NBPF15: variants seen among roughly 807,000 people sequenced by gnomAD.
The protein encoded by NBPF15 is NBPF member 15.
In NBPF15, 74 loss-of-function variants were observed where a neutral mutation model predicts 62.2. That is an observed-to-expected ratio of 1.19 (90% CI 0.99 to 1.44). The LOEUF (loss-of-function observed/expected upper bound fraction) is 1.44. Ranked by LOEUF, NBPF15 falls within the 40% of genes most tolerant of loss-of-function variation. The pLI, the probability that NBPF15 is intolerant of heterozygous loss-of-function variation, is 0.00. For synonymous variants in NBPF15, 244 were observed against 209.7 expected (o/e 1.16, Z -1.41); for missense variants, 790 against 550.0 (o/e 1.44, Z -4.36).
rs1428213325 is a variant in NBPF15 at position 144,440,325 on chromosome 1, G to A, written c.-190-30C>T. 87 of 1,263,024 alleles carry A rather than the reference G, an allele frequency of 6.9e-5. 1 individual carries two copies. The South Asian group carries it at 7.5e-4, about 11-fold the overall frequency. 78.2% of individuals were successfully genotyped at this position (1,263,024 alleles called of 1,614,324 possible). ...AGTTGCAATAACAGAATTAGAAGGT[G>A]GGGGTGTCATGGAATCTTAGGAGCC... On this transcript the variant is annotated intron_variant, in intron 6 of 21. Coordinates refer to ENST00000581897, the MANE Select transcript of NBPF15 (RefSeq NM_001385408.1).
chr1:144,440,041 G>A lies in NBPF15; in HGVS notation c.-35-3C>T, dbSNP rs1259868055. 4.4e-6 allele frequency: 7 copies of A among 1,591,982 alleles called. No individual in the cohort carries two copies. The East Asian group carries it at 8.9e-5, about 20-fold the overall frequency. ...GGCAGAAGAGGTGGAGTCAGGGACT[G>A]GGGAGAAGAAACCCAAACATATGAT... On this transcript the variant is annotated splice_region_variant and splice_polypyrimidine_tract_variant and intron_variant, in intron 7 of 21. Coordinates refer to ENST00000581897, the MANE Select transcript of NBPF15 (RefSeq NM_001385408.1).
At position 144,435,266 on chromosome 1, in the gene NBPF15, T is replaced by A. The variant is rs1214005427; in HGVS notation, c.617A>T (p.Glu206Val). Residue 206 changes from glutamate to valine, a missense_variant, in exon 12 of 22, where the codon GAA (glutamate) becomes GTA (valine). Glu to Val is a moderately radical substitution (Grantham distance 121). Coordinates refer to ENST00000581897, the MANE Select transcript of NBPF15 (RefSeq NM_001385408.1). The stretch of plus-strand genomic sequence containing the variant: ...GCTATTTGAACAAGTGATGGCACAT[T>A]CCTCCAGTGAGTCCTCAGGGACTTC... Reference protein sequence around the residue: ...EKEVPEDSLEECAITCSNSHG... With the variant: ...EKEVPEDSLEVCAITCSNSHG... The A allele has an allele frequency of 2.5e-6, 4 of 1,612,388 alleles. No homozygotes were observed. The East Asian group carries it at 8.9e-5, about 36-fold the overall frequency.
chr1:144,444,598 CTTAG>C (rs1204487476), intron 6 of NBPF15, among the ~76,000 whole-genome samples: 11 of 151,966 alleles, frequency 7.2e-5, no homozygotes, highest in East Asian at 1.9e-4. Flanking sequence ...AGGACTCAGA[CTTAG>C]TTATAGATTA....
At position 144,423,176 on chromosome 1, in the gene NBPF15, A is replaced by G. The variant is rs781939985; in HGVS notation, c.1850T>C (p.Met617Thr). ...SLDRCYSTPSMYFEQPDSFQH... is the reference protein window; with the variant it reads ...SLDRCYSTPSTYFEQPDSFQH... ...GAATGAGTCAGGTTGTTCAAAGTAC[A>G]TTGACGGAGTCGAATAACATCTATC... Residue 617 changes from methionine (M) to threonine (T), a missense_variant, in exon 22 of 22, where the codon ATG (methionine) becomes ACG (threonine). Transcript: ENST00000581897. 2 of 1,611,644 alleles carry G rather than the reference A, an allele frequency of 1.2e-6. No individual in the cohort carries two copies. The highest frequency in any genetic ancestry group is 2.2e-5 in the South Asian group (2 of 90,974).
At chr1:144,452,217 A>G (rs1691631171) in intron 4 of NBPF15, among the ~76,000 whole-genome samples, 2 of 152,054 alleles carry the variant, frequency 1.3e-5, no homozygotes, top group Admixed American at 6.6e-5. Flanking sequence ...GTGAAAATGT[A>G]TCATCTCAAT....
At chr1:144,439,747 T>C (rs1681437921) in intron 8 of NBPF15, 82 bp downstream of exon 8, 2 of 1,001,974 alleles carry the variant, frequency 2.0e-6, no homozygotes, top group South Asian at 1.3e-5. Flanking sequence ...AAATTATTTT[T>C]GATGGAGAGA....
intron 19 of NBPF15, among the ~76,000 whole-genome samples, chr1:144,425,214 C>G (rs1553539065): frequency 8.7e-6 from 1 of 114,596 alleles, no homozygotes; most frequent in Non-Finnish European, 1.7e-5. Flanking sequence ...ACACAGCATA[C>G]AGTGATCATG....
intron 4 of NBPF15, among the ~76,000 whole-genome samples, chr1:144,456,213 G>A (rs1460906381): frequency 4.7e-5 from 7 of 148,722 alleles, no homozygotes; most frequent in South Asian, 2.2e-4. Flanking sequence ...AACAAGAGAC[G>A]GAAATGGGGG....
chr1:144,423,460 A>C (rs1667229348), intron 21 of NBPF15, among the ~76,000 whole-genome samples: 1 of 151,966 alleles, frequency 6.6e-6, no homozygotes, highest in South Asian at 2.1e-4. Context: ...AGACAGAGAG[A>C]GAGAGACAGA....
intron 13 of NBPF15, among the ~76,000 whole-genome samples, chr1:144,432,512 G>A (rs1481017133): frequency 1.3e-5 from 2 of 151,798 alleles, no homozygotes; most frequent in African/African-American, 4.8e-5. Context: ...ACACAGAATG[G>A]CAAATTGGAT....
At chr1:144,459,788 A>G (rs1651125721) in intron 2 of NBPF15, among the ~76,000 whole-genome samples, 1 of 151,814 alleles carries the variant, frequency 6.6e-6, no homozygotes, top group Admixed American at 6.6e-5. Flanking sequence ...CTGCACCCCT[A>G]CTAGAATGGC....
chr1:144,455,953 G>A (rs1553546849), intron 4 of NBPF15, among the ~76,000 whole-genome samples: 3 of 152,088 alleles, frequency 2.0e-5, no homozygotes, highest in Non-Finnish European at 2.9e-5. Context: ...TAAATTCTAA[G>A]TCCTACAGGA....
intron 4 of NBPF15, among the ~76,000 whole-genome samples, chr1:144,453,633 C>T (rs1451037804): frequency 5.6e-5 from 2 of 35,410 alleles, no homozygotes; most frequent in African/African-American, 1.9e-4. Context: ...CTAAACAACA[C>T]AAAGCAAAAA....
intron 4 of NBPF15, among the ~76,000 whole-genome samples, chr1:144,451,614 G>A (rs587741029): frequency 6.6e-6 from 1 of 151,916 alleles, no homozygotes. Flanking sequence ...AGGGAGTGGT[G>A]ATGACTCTTA....
At chr1:144,459,797 G>A (rs1433088166) in intron 2 of NBPF15, among the ~76,000 whole-genome samples, 1 of 151,662 alleles carries the variant, frequency 6.6e-6, no homozygotes, top group Non-Finnish European at 1.5e-5. Flanking sequence ...TACTAGAATG[G>A]CAAAATAATT....
At chr1:144,436,182 G>A (rs1678160164) in intron 10 of NBPF15, among the ~76,000 whole-genome samples, 2 of 152,136 alleles carry the variant, frequency 1.3e-5, no homozygotes, top group South Asian at 4.2e-4. Context: ...GCACAGGCTT[G>A]GTGTCCCGTC....
At position 144,441,211 on chromosome 1, in the gene NBPF15, G is replaced by A. The variant is rs1190928023; in HGVS notation, c.-190-916C>T. Among the ~76,000 whole-genome samples the A allele has an allele frequency of 3.3e-3, 502 of 151,504 alleles. 6 individuals carry two copies. The highest frequency in any genetic ancestry group is 7.7e-3 in the South Asian group (37 of 4,788). On this transcript the variant is annotated intron_variant, in intron 6 of 21. Coordinates refer to ENST00000581897, the MANE Select transcript of NBPF15 (RefSeq NM_001385408.1). The stretch of plus-strand genomic sequence containing the variant: ...TTATTTTCCTGGGTATCTATAGCTA[G>A]GGATGGAGTTGCTTGGTGAATGGGT...
intron 6 of NBPF15, among the ~76,000 whole-genome samples, chr1:144,445,212 T>C (rs1230727148): frequency 7.4e-5 from 11 of 148,988 alleles, no homozygotes; most frequent in African/African-American, 2.7e-4. Flanking sequence ...AATGTGCTGT[T>C]TATCTTATCA....
Position 144,426,431 on chromosome 1 carries a change from C to A in NBPF15, c.1285G>T (p.Asp429Tyr), listed in dbSNP as rs1553539266. 2.5e-6 allele frequency: 2 copies of A among 790,540 alleles called. No homozygotes were observed. Among genetic ancestry groups the A allele is most frequent in the Non-Finnish European group, 4.6e-6 (2 of 433,046 alleles). The allele number at this position is 790,540 out of a possible 1,614,324, so 49.0% of individuals were successfully genotyped here. A position where few individuals can be genotyped will look rare whatever the true frequency, so the allele number is the denominator to read the frequency against. The part of the protein sequence containing the change: ...SCPRLSRELL[D>Y]EKEPEVLQDS... ...TGCAAGACTTCAGGCTCTTTCTCATCCAGCAGCTCCCTGCTGAGCCTGGAA... is the reference window on the plus strand; with the variant it reads ...TGCAAGACTTCAGGCTCTTTCTCATACAGCAGCTCCCTGCTGAGCCTGGAA... Residue 429 changes from aspartate (D) to tyrosine (Y), a missense_variant, in exon 18 of 22, where the codon GAT (aspartate) becomes TAT (tyrosine). Asp to Tyr is a radical substitution (Grantham distance 160). Transcript: ENST00000581897.
Sources: gnomAD v4.1 joint callset for allele counts (sites outside exome capture counted in the v4.1 genomes callset) on GRCh38, gnomAD v4.1.1 for gene constraint, MANE v1.5 for transcripts, NCBI Gene and HGNC (gene_info 2026-07-23, HGNC 2026-07-21) for gene names.